The following RUNDC3B variants were observed in gnomAD, a reference collection of about 807,000 sequenced individuals.
RUNDC3B encodes RUN domain-containing protein 3B.
RUNDC3B carries 33 observed loss-of-function variants against 58.4 expected under a neutral mutation model. The ratio of observed to expected loss-of-function variants is 0.56; its 90% CI spans 0.43 to 0.75. The LOEUF is 0.75. Ranked by LOEUF, RUNDC3B falls within the 30% of genes least tolerant of loss-of-function variation. RUNDC3B has a pLI of 0.00. For synonymous variants in RUNDC3B, 193 were observed against 195.2 expected (o/e 0.99, Z 0.10); for missense variants, 501 against 535.7 (o/e 0.94, Z 0.64).
At chr7:87,673,492 T>C (rs1356222654) in intron 2 of RUNDC3B, among the ~76,000 whole-genome samples, 1 of 152,222 alleles carries the variant, frequency 6.6e-6, no homozygotes, top group Non-Finnish European at 1.5e-5. Flanking sequence ...CTTTCCTCAG[T>C]TTGGTCGAAT....
chr7:87,639,496 T>C (rs1181663400), intron 1 of RUNDC3B, among the ~76,000 whole-genome samples: 1 of 152,202 alleles, frequency 6.6e-6, no homozygotes, highest in Non-Finnish European at 1.5e-5. Context: ...TGTTAAAGTC[T>C]ACCTCTATGA....
At chr7:87,783,505 A>G (rs547103168) in intron 8 of RUNDC3B, among the ~76,000 whole-genome samples, 1 of 152,210 alleles carries the variant, frequency 6.6e-6, no homozygotes, top group Admixed American at 6.5e-5. Context: ...GTTTACATTC[A>G]TGGTTAATAT....
At chr7:87,750,749 G>A (rs1022661841) in intron 6 of RUNDC3B, among the ~76,000 whole-genome samples, 29 of 150,668 alleles carry the variant, frequency 1.9e-4, no homozygotes, top group African/African-American at 7.1e-4. Context: ...TTGTAAATTT[G>A]TTGGAGTTCA....
chr7:87,693,165 A>G (rs893948440), intron 2 of RUNDC3B, among the ~76,000 whole-genome samples: 1 of 152,052 alleles, frequency 6.6e-6, no homozygotes, highest in African/African-American at 2.4e-5. Context: ...CCATATTGTT[A>G]TACTAGCAAT....
intron 10 of RUNDC3B, among the ~76,000 whole-genome samples, 167 bp downstream of exon 10, chr7:87,816,429 T>A (rs540969956): frequency 2.6e-5 from 4 of 152,178 alleles, no homozygotes; most frequent in African/African-American, 9.6e-5. Flanking sequence ...CTCGTGTGTG[T>A]GTGGGGGGGG....
At chr7:87,736,854 CCTAT>C (rs1312555564) in intron 4 of RUNDC3B, among the ~76,000 whole-genome samples, 2 of 55,578 alleles carry the variant, frequency 3.6e-5, no homozygotes, top group Non-Finnish European at 6.4e-5. Flanking sequence ...TATATATATA[CCTAT>C]ATATATATAT....
At chr7:87,714,972 C>G (rs566946148) in intron 4 of RUNDC3B, among the ~76,000 whole-genome samples, 7 of 152,042 alleles carry the variant, frequency 4.6e-5, no homozygotes, top group African/African-American at 1.7e-4. Flanking sequence ...ATTGTCTTTA[C>G]ACAATACTGC....
intron 6 of RUNDC3B, among the ~76,000 whole-genome samples, chr7:87,746,158 G>A (rs1040195258): frequency 6.6e-6 from 1 of 152,168 alleles, no homozygotes; most frequent in Non-Finnish European, 1.5e-5. Context: ...AATGTAGTCT[G>A]AGAGAGTGCT....
intron 3 of RUNDC3B, chr7:87,709,311 A>G: frequency 2.0e-6 from 2 of 985,182 alleles, no homozygotes; most frequent in Non-Finnish European, 2.4e-6. Context: ...TAGCCTTTTG[A>G]TTCAAGACAC....
intron 2 of RUNDC3B, among the ~76,000 whole-genome samples, chr7:87,679,089 T>C (rs1826660815): frequency 1.8e-3 from 1 of 566 alleles, no homozygotes; most frequent in Admixed American, 0.028. Flanking sequence ...CACCCCAACT[T>C]TTTTTTTTTT....
intron 10 of RUNDC3B, among the ~76,000 whole-genome samples, chr7:87,818,796 A>G (rs1484188942): frequency 6.6e-6 from 1 of 152,220 alleles, no homozygotes; most frequent in Non-Finnish European, 1.5e-5. Context: ...CTCTAGAAAG[A>G]TAAAGTCAAC....
intron 8 of RUNDC3B, among the ~76,000 whole-genome samples, chr7:87,792,973 G>A (rs1835607905): frequency 6.6e-6 from 1 of 151,956 alleles, no homozygotes; most frequent in Non-Finnish European, 1.5e-5. Flanking sequence ...AAAAAAGGGA[G>A]AAGACCCAAA....
At chr7:87,817,631 A>G (rs1305934369) in intron 10 of RUNDC3B, among the ~76,000 whole-genome samples, 1 of 152,086 alleles carries the variant, frequency 6.6e-6, no homozygotes, top group East Asian at 1.9e-4. Flanking sequence ...GATTCTTTTC[A>G]AATGTCATCT....
chr7:87,702,871 T>C (rs927644590), intron 3 of RUNDC3B, among the ~76,000 whole-genome samples: 1 of 152,128 alleles, frequency 6.6e-6, no homozygotes, highest in Admixed American at 6.5e-5. Context: ...AAATCTGAAA[T>C]ACTCTTGTCC....
intron 10 of RUNDC3B, among the ~76,000 whole-genome samples, chr7:87,824,216 A>G (rs1039352672): frequency 1.4e-4 from 21 of 152,202 alleles, no homozygotes; most frequent in African/African-American, 4.3e-4. Flanking sequence ...AAGAACATCA[A>G]TGTCTAATAA....
At chr7:87,715,452 A>G (rs1441515994) in intron 4 of RUNDC3B, among the ~76,000 whole-genome samples, 1 of 128,730 alleles carries the variant, frequency 7.8e-6, no homozygotes, top group East Asian at 2.1e-4. Context: ...ATAATATATA[A>G]TTATATTATA....
chr7:87,743,361 T>C (rs1468850697), intron 6 of RUNDC3B, among the ~76,000 whole-genome samples: 1 of 152,200 alleles, frequency 6.6e-6, no homozygotes, highest in Non-Finnish European at 1.5e-5. Context: ...CAAATGGTAG[T>C]TCTACTTTTA....
chr7:87,736,373 T>C (rs1831933234), intron 4 of RUNDC3B, among the ~76,000 whole-genome samples: 2 of 152,150 alleles, frequency 1.3e-5, no homozygotes, highest in South Asian at 2.1e-4. Context: ...TTGAACTACT[T>C]AAAATTCCTT....
chr7:87,772,201 T>C (rs148517553), intron 7 of RUNDC3B, among the ~76,000 whole-genome samples: 3 of 152,118 alleles, frequency 2.0e-5, no homozygotes, highest in Non-Finnish European at 4.4e-5. Flanking sequence ...ATTTACTTAG[T>C]TGTAAATTTA....
Sources: allele counts gnomAD v4.1 joint callset (sites outside exome capture counted in the v4.1 genomes callset), GRCh38; gene constraint gnomAD v4.1.1; transcripts MANE v1.5; gene names NCBI Gene and HGNC (gene_info 2026-07-23, HGNC 2026-07-21).